KIAA1217: variants seen among roughly 807,000 people sequenced by gnomAD.
KIAA1217 encodes the protein sickle tail protein homolog.
KIAA1217 carries 88 observed loss-of-function variants against 163.9 expected under a neutral mutation model. The observed-to-expected ratio is 0.54, with a 90% CI of 0.45 to 0.64. The LOEUF is 0.64. Among genes scored for constraint, KIAA1217 ranks in the 30% least tolerant of loss-of-function variants. The pLI, the probability that KIAA1217 is intolerant of heterozygous loss-of-function variation, is 0.00. For synonymous variants in KIAA1217, 903 were observed against 923.1 expected (o/e 0.98, Z 0.39); for missense variants, 2,372 against 2,475.0 (o/e 0.96, Z 0.88).
rs567199614 is a variant in KIAA1217, at chr10:24,190,875, G to A, written c.-170-28751G>A. Among the ~76,000 whole-genome samples the A allele has an allele frequency of 7.1e-5, 10 of 141,256 alleles. No homozygotes were observed. The East Asian group carries it at 2.0e-3, about 28-fold the overall frequency. 92.7% of individuals were successfully genotyped at this position (141,256 alleles called of 152,430 possible). On this transcript the variant is annotated intron_variant, in intron 2 of 18. Transcript: ENST00000376462. ...TCCAGGGAGGGAAAGGGATAACCAG[G>A]ACATGGGTTTGTCATGCTTAAAAAA...
At chr10:24,207,411 G>A (rs1350576109), upstream of KIAA1217, among the ~76,000 whole-genome samples, 1 of 152,070 alleles carries the variant, frequency 6.6e-6, no homozygotes, top group African/African-American at 2.4e-5. Context: ...ATCTGGACCT[G>A]AAAGGCTGAA....
chr10:24,150,846 G>GTCTT (rs1383390616), intron 2 of KIAA1217, among the ~76,000 whole-genome samples: 2 of 152,118 alleles, frequency 1.3e-5, no homozygotes, highest in Non-Finnish European at 2.9e-5. Context: ...TCCCATGACA[G>GTCTT]TCTTGATCAC....
intron 2 of KIAA1217, among the ~76,000 whole-genome samples, chr10:24,105,152 G>T (rs561752279): frequency 6.6e-6 from 1 of 152,068 alleles, no homozygotes. Flanking sequence ...TATAAGTATG[G>T]AGTCCTAGGT....
chr10:23,723,812 A>G (rs1373987063), intron 1 of KIAA1217, among the ~76,000 whole-genome samples: 1 of 152,204 alleles, frequency 6.6e-6, no homozygotes, highest in East Asian at 1.9e-4. Flanking sequence ...GTGACAATAA[A>G]TACATGTGTA....
intron 2 of KIAA1217, among the ~76,000 whole-genome samples, chr10:24,143,911 A>G (rs553817019): frequency 6.6e-6 from 1 of 152,278 alleles, no homozygotes; most frequent in African/African-American, 2.4e-5. Flanking sequence ...CAGTTTTATC[A>G]GAAGAGAGTT....
chr10:24,129,435 A>G (rs948079030), intron 2 of KIAA1217, among the ~76,000 whole-genome samples: 4 of 152,186 alleles, frequency 2.6e-5, no homozygotes, highest in African/African-American at 9.7e-5. Context: ...GGTCATTGGT[A>G]TATTATAGAC....
rs996246774 is a variant in KIAA1217, at chr10:24,545,493, C to T, written c.5335-334C>T. On this transcript the variant is annotated intron_variant, in intron 20 of 20. Coordinates refer to ENST00000376454, the MANE Select transcript of KIAA1217 (RefSeq NM_019590.5). ...TGTTGACTGTATTGTGTTAGAAGCA[C>T]ATTAACACTCCGTCACAATGCCCGA... is the stretch of plus-strand genomic sequence containing the variant. The T allele has an allele frequency of 3.1e-5, 40 of 1,281,730 alleles. No individual in the cohort carries two copies. The East Asian group carries it at 1.4e-3, about 43-fold the overall frequency. 79.4% of individuals were successfully genotyped at this position (1,281,730 alleles called of 1,614,324 possible).
chr10:23,798,901 CACAA>C (rs1836337709), intron 1 of KIAA1217, among the ~76,000 whole-genome samples: 1 of 152,162 alleles, frequency 6.6e-6, no homozygotes, highest in African/African-American at 2.4e-5. Flanking sequence ...GACAAAGTAC[CACAA>C]ACAGAGTGTC....
At chr10:23,875,694 G>C (rs919409096) in intron 1 of KIAA1217, among the ~76,000 whole-genome samples, 1 of 151,834 alleles carries the variant, frequency 6.6e-6, no homozygotes, top group Non-Finnish European at 1.5e-5. Flanking sequence ...ACTTGGAACC[G>C]ACCCAAATGT....
rs2075390010 is a variant in KIAA1217, at chr10:24,543,819, G to A, written c.4549G>A (p.Val1517Met). 5 of 1,613,982 alleles carry A rather than the reference G, an allele frequency of 3.1e-6. No individual in the cohort carries two copies. The highest frequency in any genetic ancestry group is 2.2e-5 in the East Asian group (1 of 44,846). The change falls in exon 19 of 21, where the codon GTG becomes ATG. Residue 1517 changes from valine to methionine, a missense_variant. By Grantham distance (21) the Val-to-Met change is conservative (BLOSUM62 1). This residue lies in a region of KIAA1217 where 690 missense variants were observed against 677.5 expected (regional missense o/e 1.02). Coordinates refer to ENST00000376454, the MANE Select transcript of KIAA1217 (RefSeq NM_019590.5). ...APGNLRTGQQVETKSQPHSLA... is the reference protein window; with the variant it reads ...APGNLRTGQQMETKSQPHSLA... Reference sequence around the variant, plus strand: ...AGGCAATCTTAGAACCGGACAACAGGTGGAAACAAAGTCACAGCCACACTC... The same window carrying A: ...AGGCAATCTTAGAACCGGACAACAGATGGAAACAAAGTCACAGCCACACTC...
At chr10:24,448,278 C>A (rs2061126933) in intron 5 of KIAA1217, among the ~76,000 whole-genome samples, 2 of 152,040 alleles carry the variant, frequency 1.3e-5, no homozygotes, top group African/African-American at 2.4e-5. Context: ...GAGTTGAATT[C>A]ACCTGTGGTA....
chr10:23,902,400 T>G (rs1388328225), intron 1 of KIAA1217, among the ~76,000 whole-genome samples: 1 of 152,008 alleles, frequency 6.6e-6, no homozygotes, highest in African/African-American at 2.4e-5. Flanking sequence ...CTCAGGGACA[T>G]GGAGCAAGAA....
rs1564628129 is a variant in KIAA1217, at chr10:24,039,808, ATATAG to A, written c.-171+32435_-171+32439del. Among the ~76,000 whole-genome samples the A allele has an allele frequency of 8.0e-5, 4 of 50,286 alleles. No individual in the cohort carries two copies. In the East Asian group the frequency reaches 9.3e-4, roughly 12 times the overall value. The allele number at this position is 50,286 out of a possible 152,430, so 33.0% of individuals were successfully genotyped here. Reference sequence around the variant, plus strand: ...ATGATATAGATATAGATAGATATAGATATAGATATAGATATAGATATAGATATAGA... The same window carrying A: ...ATGATATAGATATAGATAGATATAGAATATAGATATAGATATAGATATAGA... On this transcript the variant is annotated intron_variant, in intron 2 of 18. Coordinates refer to the KIAA1217 transcript ENST00000376462.
intron 2 of KIAA1217, among the ~76,000 whole-genome samples, chr10:24,318,942 A>G (rs2043762634): frequency 6.6e-6 from 1 of 152,218 alleles, no homozygotes; most frequent in Non-Finnish European, 1.5e-5. Context: ...CATCCCATCC[A>G]GGACACCTGG....
At chr10:23,900,992 G>T (rs1841931790) in intron 1 of KIAA1217, among the ~76,000 whole-genome samples, 1 of 152,042 alleles carries the variant, frequency 6.6e-6, no homozygotes, top group African/African-American at 2.4e-5. Flanking sequence ...TATTATGGCT[G>T]TTAATAATTA....
In KIAA1217 at chr10:24,219,843, T is replaced by C. The variant is rs2069334602; in HGVS notation, c.288T>C (p.His96=). 6.2e-7 allele frequency: 1 copy of C among 1,613,648 alleles called. No individual in the cohort carries two copies. Among genetic ancestry groups the C allele is most frequent in the South Asian group, 1.1e-5 (1 of 91,038 alleles). ...MDRKREAFLE[H]LKQKYPHHAS... ...GGAAGAGAGAAGCGTTCCTAGAACATCTGAAGCAGAAGTACCCCCACCACG... is the reference window on the plus strand; with the variant it reads ...GGAAGAGAGAAGCGTTCCTAGAACACCTGAAGCAGAAGTACCCCCACCACG... The change falls in exon 2 of 21, where the codon CAT becomes CAC. Residue 96 remains histidine, a synonymous_variant. Transcript: ENST00000376454.
intron 2 of KIAA1217, among the ~76,000 whole-genome samples, chr10:24,073,178 C>T (rs540508838): frequency 4.1e-4 from 62 of 152,120 alleles, no homozygotes; most frequent in African/African-American, 1.4e-3. Context: ...GGCCTGAATT[C>T]GGGAGCGAGC....
intron 1 of KIAA1217, among the ~76,000 whole-genome samples, chr10:23,698,843 G>T (rs1194530311): frequency 6.6e-6 from 1 of 151,966 alleles, no homozygotes; most frequent in East Asian, 1.9e-4. Flanking sequence ...AGAGTACAGT[G>T]GCATGATCTC....
chr10:23,863,848 A>G (rs897900982), intron 1 of KIAA1217, among the ~76,000 whole-genome samples: 24 of 152,156 alleles, frequency 1.6e-4, no homozygotes, highest in African/African-American at 5.3e-4. Flanking sequence ...AGCTTTCCTT[A>G]TATTACACTC....
Sources: allele counts gnomAD v4.1 joint callset (sites outside exome capture counted in the v4.1 genomes callset), GRCh38; gene constraint gnomAD v4.1.1; regional missense constraint gnomAD v4.1.1; transcripts MANE v1.5; gene names NCBI Gene and HGNC (gene_info 2026-07-23, HGNC 2026-07-21).